ATG7: variants seen among roughly 807,000 people sequenced by gnomAD.
ATG7 encodes the protein autophagy related 7, also known as ubiquitin-like modifier-activating enzyme ATG7.
In ATG7, 70 loss-of-function variants were observed where a neutral mutation model predicts 82.4. The observed-to-expected ratio is 0.85, with a 90% confidence interval of 0.70 to 1.04. The LOEUF (loss-of-function observed/expected upper bound fraction) is 1.04. Ranked by LOEUF, ATG7 falls within the 50% of genes least tolerant of loss-of-function variation. ATG7 has a pLI of 0.00. For synonymous variants in ATG7, 287 were observed against 313.0 expected, an observed-to-expected ratio of 0.92 and a Z score of 0.88; for missense variants, 792 against 864.3, an observed-to-expected ratio of 0.92 and a Z score of 1.05.
At chr3:11,446,520 T>G (rs770427002) in intron 20 of ATG7, 2 of 446,596 alleles carry the variant, frequency 4.5e-6, no homozygotes, top group Non-Finnish European at 8.9e-6. Flanking sequence ...ACTAAGAAGA[T>G]TTTCTTACAT....
downstream of ATG7, among the ~76,000 whole-genome samples, chr3:11,561,134 C>G (rs11344852): frequency 0.18 from 27,199 of 151,776 alleles, 2,625 homozygotes; most frequent in Middle Eastern, 0.24. Flanking sequence ...GACCCCCCCC[C>G]AGGGTCCTCC....
intron 20 of ATG7, among the ~76,000 whole-genome samples, chr3:11,474,558 C>G (rs1189771924): frequency 6.6e-6 from 1 of 152,170 alleles, no homozygotes; most frequent in African/African-American, 2.4e-5. Flanking sequence ...CAAGATCATA[C>G]CACTATACTC....
rs777775545 is a variant in ATG7, at chr3:11,342,261, T to C, written c.1107T>C (p.Asn369=). The part of the protein sequence containing the change: ...LLLGAGTLGC[N]VARTLMGWGV... ...TTGGAGCCGGCACCTTGGGTTGCAA[T>C]GTAGCTAGGACGTTGATGGTAAGTC... Residue 369 remains asparagine, a synonymous_variant, in exon 13 of 21, where the codon AAT becomes AAC. Coordinates refer to ENST00000693202, the MANE Select transcript of ATG7 (RefSeq NM_001349232.2). 10 of 1,613,454 alleles carry C rather than the reference T, an allele frequency of 6.2e-6. No individual in the cohort carries two copies. Among genetic ancestry groups the C allele is most frequent in the South Asian group, 1.1e-5 (1 of 91,022 alleles).
intron 10 of ATG7, 82 bp downstream of exon 10, chr3:11,331,510 T>C: frequency 8.5e-7 from 1 of 1,176,010 alleles, no homozygotes; most frequent in Non-Finnish European, 1.3e-6. Flanking sequence ...TATTTGTATC[T>C]CTGTTTTCCT....
chr3:11,464,865 A>G (rs1414244990), intron 20 of ATG7, among the ~76,000 whole-genome samples: 2 of 152,262 alleles, frequency 1.3e-5, no homozygotes, highest in Admixed American at 6.5e-5. Flanking sequence ...CCCCTTTACT[A>G]TAAAATGGAA....
downstream of ATG7, chr3:11,558,454 T>TAC: frequency 1.7e-5 from 18 of 1,064,146 alleles, no homozygotes; most frequent in East Asian, 3.3e-5. Context: ...TCCCTTCCCT[T>TAC]CCCCCCACCC....
intron 19 of ATG7, among the ~76,000 whole-genome samples, chr3:11,397,585 T>A (rs1576070070): frequency 6.6e-6 from 1 of 151,680 alleles, no homozygotes; most frequent in East Asian, 2.0e-4. Context: ...AGCCTCCGAG[T>A]AACTGGGACT....
At chr3:11,528,524 T>C (rs2092630646) in intron 20 of ATG7, among the ~76,000 whole-genome samples, 1 of 151,990 alleles carries the variant, frequency 6.6e-6, no homozygotes, top group Admixed American at 6.5e-5. Flanking sequence ...CAATACAAAA[T>C]GCATATAGAA....
chr3:11,311,879 C>T (rs116727071), intron 7 of ATG7, among the ~76,000 whole-genome samples: 1 of 151,204 alleles, frequency 6.6e-6, no homozygotes, highest in Non-Finnish European at 1.5e-5. Context: ...AATTATTAGA[C>T]TTTCTCATCT....
chr3:11,409,392 G>C (rs890678617), intron 19 of ATG7, among the ~76,000 whole-genome samples: 5 of 152,222 alleles, frequency 3.3e-5, no homozygotes, highest in Non-Finnish European at 5.9e-5. Context: ...CTATTGACTA[G>C]TACTCTATGT....
intron 20 of ATG7, among the ~76,000 whole-genome samples, chr3:11,528,892 C>T (rs980220986): frequency 6.6e-6 from 1 of 150,756 alleles, no homozygotes; most frequent in Non-Finnish European, 1.5e-5. Context: ...AGGGACACAG[C>T]AGAAGATAAG....
chr3:11,383,735 A>G (rs900537041), intron 19 of ATG7, among the ~76,000 whole-genome samples: 11 of 152,218 alleles, frequency 7.2e-5, no homozygotes, highest in South Asian at 2.1e-4. Context: ...GGCGTGAGCC[A>G]CCGCATCCAG....
chr3:11,381,737 A>G (rs369774428), intron 19 of ATG7, among the ~76,000 whole-genome samples: 1 of 152,228 alleles, frequency 6.6e-6, no homozygotes, highest in African/African-American at 2.4e-5. Flanking sequence ...GGATTTTAAC[A>G]GCTGTGCTAT....
the ATG7 span, among the ~76,000 whole-genome samples, chr3:11,575,233 C>T: frequency 7.1e-4 from 108 of 152,280 alleles, 1 homozygote; most frequent in Non-Finnish European, 1.2e-3. Context: ...AGAGGGAAGG[C>T]GGCCGCACTG....
At chr3:11,416,327 T>C (rs2081369822) in intron 19 of ATG7, among the ~76,000 whole-genome samples, 1 of 152,192 alleles carries the variant, frequency 6.6e-6, no homozygotes, top group South Asian at 2.1e-4. Flanking sequence ...AGTGAGCCCA[T>C]CTGGGCCTGG....
intron 20 of ATG7, among the ~76,000 whole-genome samples, chr3:11,536,393 G>A (rs2070296960): frequency 6.6e-6 from 1 of 152,238 alleles, no homozygotes; most frequent in South Asian, 2.1e-4. Context: ...TGGGCTACCG[G>A]CTCCACCTGG....
chr3:11,414,113 C>T lies in ATG7; in HGVS notation c.1957-12691C>T, dbSNP rs190712194. Among the ~76,000 whole-genome samples, 77 of 152,206 alleles carry T rather than the reference C, an allele frequency of 5.1e-4. 1 individual carries two copies. Among genetic ancestry groups the T allele is most frequent in the Admixed American group, 4.8e-3 (74 of 15,284 alleles). ...GACATGGAGTCTTGCTCTTGTTGCCCAGGCTGGAGTGCCATCTTGGCTCAC... is the reference window on the plus strand; with the variant it reads ...GACATGGAGTCTTGCTCTTGTTGCCTAGGCTGGAGTGCCATCTTGGCTCAC... On this transcript the variant is annotated intron_variant, in intron 19 of 20. Coordinates refer to ENST00000693202, the MANE Select transcript of ATG7 (RefSeq NM_001349232.2).
intron 1 of ATG7, among the ~76,000 whole-genome samples, chr3:11,275,001 C>T (rs1351930792): frequency 6.6e-6 from 1 of 151,724 alleles, no homozygotes; most frequent in African/African-American, 2.4e-5. Context: ...AGCAGGGGAC[C>T]AGTTGGGTAT....
At chr3:11,354,090 C>G (rs1559456149) in intron 14 of ATG7, among the ~76,000 whole-genome samples, 1 of 152,086 alleles carries the variant, frequency 6.6e-6, no homozygotes. Context: ...TATTCTGGCC[C>G]CAGACCTTCC....
Sources: allele counts gnomAD v4.1 joint callset (sites outside exome capture counted in the v4.1 genomes callset), GRCh38; gene constraint gnomAD v4.1.1; transcripts MANE v1.5; gene names NCBI Gene and HGNC (gene_info 2026-07-23, HGNC 2026-07-21).